FAF1: variants seen among roughly 807,000 people sequenced by gnomAD.
The protein encoded by FAF1 is FAS-associated factor 1.
Under a neutral mutation model 92.5 loss-of-function variants are expected in FAF1, and 25 were observed. That is an observed-to-expected ratio of 0.27 (90% CI 0.20 to 0.38). The LOEUF is 0.38. Among genes scored for constraint, FAF1 ranks in the 10% least tolerant of loss-of-function variants. The pLI, the probability that FAF1 is intolerant of heterozygous loss-of-function variation, is 1.00. For synonymous variants in FAF1, 234 were observed against 273.2 expected (o/e 0.86, Z 1.42); for missense variants, 636 against 793.3 (o/e 0.80, Z 2.38).
At chr1:50,857,903 C>T in intron 2 of FAF1, 26 bp downstream of exon 2, 2 of 1,433,516 alleles carry the variant, frequency 1.4e-6, no homozygotes, top group Non-Finnish European at 1.9e-6. Context: ...TTTGATTACT[C>T]ATCAGAGAAA....
At chr1:50,862,103 CG>C (rs201215270) in intron 1 of FAF1, among the ~76,000 whole-genome samples, 5 of 145,962 alleles carry the variant, frequency 3.4e-5, no homozygotes, top group African/African-American at 1.3e-4. Flanking sequence ...CAGAAAGCAA[CG>C]AAAAAAAAAA....
chr1:50,749,050 G>A (rs1014828897), intron 4 of FAF1, among the ~76,000 whole-genome samples: 1 of 152,222 alleles, frequency 6.6e-6, no homozygotes, highest in Non-Finnish European at 1.5e-5. Context: ...AGTTGTGGAA[G>A]CAAAAACTTT....
rs368699919 is a variant in FAF1, at chr1:50,472,607, G to A, written c.1869+2857C>T. On this transcript the variant is annotated intron_variant, in intron 18 of 18. Coordinates refer to ENST00000396153, the MANE Select transcript of FAF1 (RefSeq NM_007051.3). ...ATGAAGTATTGTTTTGGTTGGGGGC[G>A]GGTGGCAGGCATGGGAGGTACAGAA... Among the ~76,000 whole-genome samples the A allele has an allele frequency of 1.8e-4, 27 of 152,186 alleles. No homozygotes were observed. In the South Asian group the frequency reaches 4.4e-3, roughly 25 times the overall value.
intron 2 of FAF1, among the ~76,000 whole-genome samples, chr1:50,846,017 A>G (rs1258454154): frequency 6.6e-6 from 1 of 151,922 alleles, no homozygotes; most frequent in African/African-American, 2.4e-5. Flanking sequence ...CCAGCTACTC[A>G]GGAGGCTGAG....
Position 50,947,971 on chromosome 1 carries a change from C to T in FAF1, c.45+11796G>A, listed in dbSNP as rs554804854. ...TACTGTAGGAACAGATGGTTAAGAT[C>T]CAGACAGTTGTTTCCCCAACAGAGC... On this transcript the variant is annotated intron_variant, in intron 1 of 18. Coordinates refer to ENST00000396153, the MANE Select transcript of FAF1 (RefSeq NM_007051.3). Among the ~76,000 whole-genome samples the T allele has an allele frequency of 3.3e-5, 5 of 152,120 alleles. No individual in the cohort carries two copies. In the East Asian group the frequency reaches 7.7e-4, roughly 23 times the overall value.
chr1:50,800,924 A>G (rs1482315208), intron 3 of FAF1, among the ~76,000 whole-genome samples: 4 of 152,226 alleles, frequency 2.6e-5, no homozygotes, highest in Non-Finnish European at 5.9e-5. Context: ...TACACTTGGA[A>G]GGGAGAATGG....
intron 1 of FAF1, among the ~76,000 whole-genome samples, chr1:50,862,549 C>T (rs1200239731): frequency 1.3e-5 from 2 of 151,734 alleles, no homozygotes; most frequent in Admixed American, 6.6e-5. Context: ...CATCTCAATA[C>T]TAACATCAAA....
chr1:50,916,704 C>T (rs1644921163), intron 1 of FAF1, among the ~76,000 whole-genome samples: 1 of 152,114 alleles, frequency 6.6e-6, no homozygotes, highest in African/African-American at 2.4e-5. Flanking sequence ...AGAATGGAAG[C>T]CTTCATATTA....
At chr1:50,748,491 C>CAAA (rs11346307) in intron 4 of FAF1, among the ~76,000 whole-genome samples, 2 of 127,674 alleles carry the variant, frequency 1.6e-5, no homozygotes, top group Non-Finnish European at 3.4e-5. Context: ...AACTCTGTCT[C>CAAA]AAAAAAAAAA....
At chr1:50,812,921 G>A (rs1482596027) in intron 2 of FAF1, among the ~76,000 whole-genome samples, 1 of 152,188 alleles carries the variant, frequency 6.6e-6, no homozygotes, top group East Asian at 1.9e-4. Flanking sequence ...GTCCTTTGCA[G>A]CAACACGGAT....
intron 13 of FAF1, among the ~76,000 whole-genome samples, chr1:50,545,078 A>C (rs1301705081): frequency 6.6e-6 from 1 of 152,106 alleles, no homozygotes; most frequent in Non-Finnish European, 1.5e-5. Context: ...AAAGATAAAT[A>C]ACAAACGGGG....
At chr1:50,510,210 G>C (rs1647116639) in intron 15 of FAF1, among the ~76,000 whole-genome samples, 1 of 149,822 alleles carries the variant, frequency 6.7e-6, no homozygotes, top group South Asian at 2.2e-4. Flanking sequence ...CCAGTAACTA[G>C]ATTAACAGAA....
chr1:50,765,731 C>T (rs567552579), intron 4 of FAF1, among the ~76,000 whole-genome samples: 1 of 152,298 alleles, frequency 6.6e-6, no homozygotes, highest in East Asian at 1.9e-4. Flanking sequence ...GAAAAAACTA[C>T]TAAACACATT....
chr1:50,904,878 T>C (rs1459142968), intron 1 of FAF1, among the ~76,000 whole-genome samples: 3 of 151,450 alleles, frequency 2.0e-5, no homozygotes, highest in African/African-American at 7.3e-5. Context: ...CCTATTTTTT[T>C]CCTTTTTTTT....
chr1:50,739,322 GTACATGTGTACACGTACATGCATA>G (rs1333613795), intron 5 of FAF1, among the ~76,000 whole-genome samples: 1 of 151,876 alleles, frequency 6.6e-6, no homozygotes, highest in Non-Finnish European at 1.5e-5. Flanking sequence ...ATATACATGT[GTACATGTGTACACGTACATGCATA>G]TACATGTGTA....
chr1:50,756,270 A>T (rs1350569022), intron 4 of FAF1, among the ~76,000 whole-genome samples: 1 of 152,120 alleles, frequency 6.6e-6, no homozygotes, highest in Non-Finnish European at 1.5e-5. Flanking sequence ...TCATCTCCTC[A>T]AGTTCAAAGT....
rs983858065 is a variant in FAF1 at position 50,774,550 on chromosome 1, T to C, written c.367+13450A>G. Among the ~76,000 whole-genome samples, 5 of 152,144 alleles carry C rather than the reference T, an allele frequency of 3.3e-5. No homozygotes were observed. In the South Asian group the frequency reaches 6.2e-4, roughly 19 times the overall value. ...AAAATAGTATCCAATATAGTAAAAG[T>C]AGCTTTAAGAAAGATCAAAAAGAGA... On this transcript the variant is annotated intron_variant, in intron 4 of 18. Coordinates refer to ENST00000396153, the MANE Select transcript of FAF1 (RefSeq NM_007051.3).
At chr1:50,636,863 T>A (rs1195483696) in intron 8 of FAF1, among the ~76,000 whole-genome samples, 2 of 152,142 alleles carry the variant, frequency 1.3e-5, no homozygotes, top group Non-Finnish European at 2.9e-5. Context: ...AAGATAAATT[T>A]GTGTATGGCA....
intron 1 of FAF1, among the ~76,000 whole-genome samples, chr1:50,868,203 A>G (rs1644498011): frequency 6.6e-6 from 1 of 152,160 alleles, no homozygotes; most frequent in South Asian, 2.1e-4. Flanking sequence ...GGTGAGGGAT[A>G]AAAGACTACA....
Sources: allele counts gnomAD v4.1 joint callset (sites outside exome capture counted in the v4.1 genomes callset), GRCh38; gene constraint gnomAD v4.1.1; transcripts MANE v1.5; gene names NCBI Gene and HGNC (gene_info 2026-07-23, HGNC 2026-07-21).